Variants in SAP30L observed in about 807,000 individuals in gnomAD.
SAP30L encodes the protein histone deacetylase complex subunit SAP30L.
In SAP30L, 10 loss-of-function variants were observed where a neutral mutation model predicts 22.3. That is an observed-to-expected ratio of 0.45 (90% CI 0.28 to 0.76). The LOEUF is 0.76. Ranked by LOEUF, SAP30L falls within the 30% of genes least tolerant of loss-of-function variation. The probability of loss-of-function intolerance (pLI) is 0.14; values close to 1 mark genes in which losing one functional copy is unlikely to be tolerated. For synonymous variants in SAP30L, 91 were observed against 94.1 expected (o/e 0.97, Z 0.19); for missense variants, 206 against 237.9 (o/e 0.87, Z 0.88).
rs1757358637 is a variant in SAP30L, at chr5:154,460,846, A to C, written c.*4818A>C. ...CTTATTGAAAAGTAAGTGCCCTTCC[A>C]TTCCAGGCCTCCTCATATTGTACTT... On this transcript the variant is annotated 3_prime_UTR_variant, in exon 4 of 4. Coordinates refer to ENST00000297109, the MANE Select transcript of SAP30L (RefSeq NM_024632.6). The C allele has an allele frequency of 6.6e-6, 1 of 152,130 alleles. No homozygotes were observed. Among genetic ancestry groups the C allele is most frequent in the South Asian group, 2.1e-4 (1 of 4,824 alleles). 9.4% of individuals were successfully genotyped at this position (152,130 alleles called of 1,614,324 possible).
intron 3 of SAP30L, among the ~76,000 whole-genome samples, chr5:154,454,491 T>A (rs1263082536): frequency 6.6e-6 from 1 of 152,244 alleles, no homozygotes; most frequent in Non-Finnish European, 1.5e-5. Flanking sequence ...TAACCACTCT[T>A]TATGTCTAGT....
In SAP30L at chr5:154,460,941, G is replaced by T. The variant is rs540578190; in HGVS notation, c.*4913G>T. On this transcript the variant is annotated 3_prime_UTR_variant, in exon 4 of 4. Transcript: ENST00000297109. ...ATCTATGGCTCTGTACTGTTGAAAGGCTCTCAATTCTGTGGGGTCTCCTTA... is the reference window on the plus strand; with the variant it reads ...ATCTATGGCTCTGTACTGTTGAAAGTCTCTCAATTCTGTGGGGTCTCCTTA... 6.6e-6 allele frequency: 1 copy of T among 152,256 alleles called. No individual in the cohort carries two copies. The highest frequency in any genetic ancestry group is 1.5e-5 in the Non-Finnish European group (1 of 68,030). The allele number at this position is 152,256 out of a possible 1,614,324, so 9.4% of individuals were successfully genotyped here. A position where few individuals can be genotyped will look rare whatever the true frequency, so the allele number is the denominator to read the frequency against.
chr5:154,452,382 A>AG, intron 2 of SAP30L: 8 of 506,232 alleles, frequency 1.6e-5, no homozygotes, highest in Non-Finnish European at 1.8e-5. Context: ...AAAAAAAAAA[A>AG]GGTTTTGAGG....
rs143736547 is a variant in SAP30L, at chr5:154,451,046, T to C, written c.202-45T>C. On this transcript the variant is annotated intron_variant, in intron 1 of 3. Coordinates refer to ENST00000297109, the MANE Select transcript of SAP30L (RefSeq NM_024632.6). ...AATTCGACAGATACCTATTGCTGTC[T>C]CCAAGGAATTGGCCAACTCTGACTT... 4,204 of 1,611,770 alleles carry C rather than the reference T, an allele frequency of 2.6e-3. 3 individuals are homozygous for C. Among genetic ancestry groups the C allele is most frequent in the Middle Eastern group, 3.6e-3 (22 of 6,052 alleles).
chr5:154,456,004 G>A lies in SAP30L; in HGVS notation c.528G>A (p.Ser176=), dbSNP rs756958249. The A allele has an allele frequency of 8.1e-6, 13 of 1,613,852 alleles. No individual in the cohort carries two copies. Among genetic ancestry groups the A allele is most frequent in the East Asian group, 4.5e-5 (2 of 44,882 alleles). The change falls in exon 4 of 4, where the codon TCG becomes TCA. Residue 176 remains serine, a synonymous_variant. Coordinates refer to ENST00000297109, the MANE Select transcript of SAP30L (RefSeq NM_024632.6). ...ACAAGAGTAGACTGGACCAGAAATC[G>A]GAGGGTGGCAAGCAGCTTGAGTGAG... ...KSNKSRLDQK[S]EGGKQLE is the part of the protein sequence containing the mutation.
intron 3 of SAP30L, among the ~76,000 whole-genome samples, 191 bp from the exon 4 acceptor site, chr5:154,455,709 T>C (rs1721144178): frequency 1.3e-5 from 2 of 152,172 alleles, no homozygotes; most frequent in South Asian, 4.1e-4. Context: ...ATCCTGGAAA[T>C]TAAACCACCT....
chr5:154,449,281 G>C (rs1345277563), intron 1 of SAP30L, among the ~76,000 whole-genome samples: 2 of 152,090 alleles, frequency 1.3e-5, no homozygotes, highest in African/African-American at 4.8e-5. Context: ...TGGAAGTTGA[G>C]AATAGTATAA....
chr5:154,453,403 T>C lies in SAP30L; in HGVS notation c.326T>C (p.Val109Ala). 6.2e-7 allele frequency: 1 copy of C among 1,612,876 alleles called. No individual in the cohort carries two copies. The highest frequency in any genetic ancestry group is 1.7e-5 in the Admixed American group (1 of 60,010). ...ACATTTTTCTCCTCTTCTCCCTAGGTTGATCTGTTCCAGCTGCAGGTGAAC... is the reference window on the plus strand; with the variant it reads ...ACATTTTTCTCCTCTTCTCCCTAGGCTGATCTGTTCCAGCTGCAGGTGAAC... ...SPEHDTDIPE[V>A]DLFQLQVNTL... is the part of the protein sequence containing the mutation. Residue 109 changes from valine to alanine, a missense_variant and splice_region_variant, in exon 3 of 4, where the codon GTT (valine) becomes GCT (alanine). Val to Ala is a moderately conservative substitution (Grantham distance 64, BLOSUM62 0). Coordinates refer to ENST00000297109, the MANE Select transcript of SAP30L (RefSeq NM_024632.6).
intron 2 of SAP30L, among the ~76,000 whole-genome samples, chr5:154,452,748 T>A (rs1757173308): frequency 6.6e-6 from 1 of 152,114 alleles, no homozygotes; most frequent in South Asian, 2.1e-4. Flanking sequence ...ATAACAGCCC[T>A]CCTTTGTGCT....
chr5:154,455,650 A>C (rs1359191279), intron 3 of SAP30L, among the ~76,000 whole-genome samples: 1 of 152,170 alleles, frequency 6.6e-6, no homozygotes, highest in Non-Finnish European at 1.5e-5. Context: ...GCTGCCACTG[A>C]AATAGAACTG....
chr5:154,460,791 T>C lies in SAP30L; in HGVS notation c.*4763T>C, dbSNP rs1757357528. 6.6e-6 allele frequency: 1 copy of C among 152,190 alleles called. No homozygotes were observed. The highest frequency in any genetic ancestry group is 6.5e-5 in the Admixed American group (1 of 15,272). 9.4% of individuals were successfully genotyped at this position (152,190 alleles called of 1,614,324 possible). On this transcript the variant is annotated 3_prime_UTR_variant, in exon 4 of 4. Transcript: ENST00000297109. ...GAGTATATTTTGGGGTACAAGGTTTTGGGGGTTTTTTTTCCCATTTTGTAA... is the reference window on the plus strand; with the variant it reads ...GAGTATATTTTGGGGTACAAGGTTTCGGGGGTTTTTTTTCCCATTTTGTAA...
Position 154,451,230 on chromosome 5 carries a change from C to A in SAP30L, c.324+17C>A. 6.2e-7 allele frequency: 1 copy of A among 1,609,350 alleles called. No individual in the cohort carries two copies. Among genetic ancestry groups the A allele is most frequent in the Non-Finnish European group, 8.5e-7 (1 of 1,178,042 alleles). ...ATTCCTGAGGTAAAGGTCAAAGAAA[C>A]CAGTTGCGGAAGCTGGAAGAATGGA... is the stretch of plus-strand genomic sequence containing the variant. On this transcript the variant is annotated intron_variant, in intron 2 of 3. Transcript: ENST00000297109.
chr5:154,447,074 T>C (rs1477102618), intron 1 of SAP30L, among the ~76,000 whole-genome samples: 2 of 152,264 alleles, frequency 1.3e-5, no homozygotes, highest in Non-Finnish European at 2.9e-5. Context: ...ACTTGTTTTA[T>C]TGGTTTAGAC....
chr5:154,446,974 G>T (rs574028688), intron 1 of SAP30L, among the ~76,000 whole-genome samples, 169 bp downstream of exon 1: 70 of 152,362 alleles, frequency 4.6e-4, no homozygotes, highest in African/African-American at 9.6e-4. Flanking sequence ...GCGCTGACAT[G>T]CTCTGACTGT....
rs1364344842 is a variant in SAP30L at position 154,446,534 on chromosome 5, C to T, written c.-71C>T. The T allele has an allele frequency of 3.1e-6, 4 of 1,293,194 alleles. No individual in the cohort carries two copies. Among genetic ancestry groups the T allele is most frequent in the Non-Finnish European group, 3.0e-6 (3 of 993,856 alleles). The allele number at this position is 1,293,194 out of a possible 1,614,324, so 80.1% of individuals were successfully genotyped here. On this transcript the variant is annotated 5_prime_UTR_variant, in exon 1 of 4. Coordinates refer to ENST00000297109, the MANE Select transcript of SAP30L (RefSeq NM_024632.6). ...GCTGCGGGGGTCTCAGCGACCTGCC[C>T]CGCGGCAAGCGCGGCCGCGGAGTGG...
chr5:154,452,145 C>T lies in SAP30L; in HGVS notation c.324+932C>T, dbSNP rs1404433762. Among the ~76,000 whole-genome samples, 3 of 152,154 alleles carry T rather than the reference C, an allele frequency of 2.0e-5. No homozygotes were observed. In the East Asian group the frequency reaches 5.8e-4, roughly 29 times the overall value. On this transcript the variant is annotated intron_variant, in intron 2 of 3. Transcript: ENST00000297109. Reference sequence around the variant, plus strand: ...ACATGAATATTTCATAAGGCAACCGCCTGTTAGCACTCAGAGTGAAAATGA... The same window carrying T: ...ACATGAATATTTCATAAGGCAACCGTCTGTTAGCACTCAGAGTGAAAATGA...
intron 1 of SAP30L, among the ~76,000 whole-genome samples, chr5:154,449,812 C>T (rs2113270492): frequency 6.6e-6 from 1 of 152,290 alleles, no homozygotes; most frequent in Middle Eastern, 3.4e-3. Context: ...AGCCTTAAGC[C>T]ACTTTTAGAT....
At chr5:154,455,231 AT>A (rs1757238270) in intron 3 of SAP30L, among the ~76,000 whole-genome samples, 2 of 151,796 alleles carry the variant, frequency 1.3e-5, no homozygotes, top group South Asian at 4.2e-4. Context: ...CCCAATTTTT[AT>A]TTGTTTTTGA....
chr5:154,449,721 C>CTG (rs1229682036), intron 1 of SAP30L, among the ~76,000 whole-genome samples: 1 of 152,202 alleles, frequency 6.6e-6, no homozygotes, highest in Non-Finnish European at 1.5e-5. Flanking sequence ...GTGGCATGTG[C>CTG]TGTGTTTGAA....
Sources: allele counts gnomAD v4.1 joint callset (sites outside exome capture counted in the v4.1 genomes callset), GRCh38; gene constraint gnomAD v4.1.1; transcripts MANE v1.5; gene names NCBI Gene and HGNC (gene_info 2026-07-23, HGNC 2026-07-21).